The following RPA3 variants were observed in gnomAD, a reference collection of about 807,000 sequenced individuals.
RPA3 encodes replication protein A 14 kDa subunit.
Under a neutral mutation model 13.7 loss-of-function variants are expected in RPA3, and 24 were observed. The observed-to-expected ratio is 1.75, with a 90% CI of 1.27 to 2.46. The LOEUF (loss-of-function observed/expected upper bound fraction) is 2.46, where lower values mean the gene tolerates loss of function less well. RPA3 is among the 30% of genes most tolerant of loss of function. The pLI is 0.00. For missense variants in RPA3, 183 were observed against 151.0 expected (o/e 1.21, Z -1.11); for synonymous variants, 59 against 51.2 (o/e 1.15, Z -0.65).
chr7:7,683,986 G>C (rs1217551759), intron 4 of RPA3, among the ~76,000 whole-genome samples: 1 of 152,120 alleles, frequency 6.6e-6, no homozygotes, highest in Non-Finnish European at 1.5e-5. Flanking sequence ...TTGGTTCCAA[G>C]ACCCCCGCTC....
chr7:7,641,493 T>G (rs1784973354), intron 4 of RPA3: 1 of 152,216 alleles, frequency 6.6e-6, no homozygotes. Flanking sequence ...GCCATATGTT[T>G]GACTCAACAG....
At chr7:7,661,743 G>A (rs1377482188) in intron 4 of RPA3, among the ~76,000 whole-genome samples, 1 of 152,174 alleles carries the variant, frequency 6.6e-6, no homozygotes, top group Admixed American at 6.5e-5. Flanking sequence ...GTGTCTGTCG[G>A]CCCCTGCTGG....
chr7:7,714,809 G>GTAATTTTTTTATTTCCTCATGAACTGGT (rs1780853077), intron 2 of RPA3, among the ~76,000 whole-genome samples: 1 of 149,290 alleles, frequency 6.7e-6, no homozygotes, highest in African/African-American at 2.5e-5. Flanking sequence ...CTTGTGTAGA[G>GTAATTTTTTTATTTCCTCATGAACTGGT]TAATTTTTTT....
chr7:7,704,846 C>A, intron 2 of RPA3, among the ~76,000 whole-genome samples: 1 of 136,242 alleles, frequency 7.3e-6, no homozygotes. Flanking sequence ...TCTTTAATCA[C>A]AAAAGGGTCA....
At chr7:7,713,398 G>GTT (rs796648586) in intron 2 of RPA3, among the ~76,000 whole-genome samples, 7 of 141,046 alleles carry the variant, frequency 5.0e-5, no homozygotes, top group African/African-American at 1.0e-4. Flanking sequence ...TATAGACAGA[G>GTT]TTTTTTTTTT....
intron 5 of RPA3, 99 bp downstream of exon 5, chr7:7,640,221 T>A (rs1054206917): frequency 6.3e-6 from 8 of 1,268,950 alleles, no homozygotes; most frequent in African/African-American, 2.9e-5. Flanking sequence ...GGGGGCGCAG[T>A]GATCGGAGGC....
At chr7:7,637,759 C>G in intron 7 of RPA3, 105 bp downstream of exon 7, 1 of 519,248 alleles carries the variant, frequency 1.9e-6, no homozygotes, top group Non-Finnish European at 3.5e-6. Context: ...TATGTAATTA[C>G]ATACAGTTAT....
chr7:7,639,015 T>C, intron 6 of RPA3, 55 bp downstream of exon 6: 1 of 1,349,844 alleles, frequency 7.4e-7, no homozygotes, highest in East Asian at 2.5e-5. Flanking sequence ...ACAAACCAAA[T>C]CAAGATGAAG....
chr7:7,693,863 G>A (rs972525059), intron 2 of RPA3, among the ~76,000 whole-genome samples: 9 of 151,950 alleles, frequency 5.9e-5, no homozygotes, highest in African/African-American at 2.2e-4. Flanking sequence ...TTCCTCTGTG[G>A]TGGGTTTTTA....
chr7:7,709,518 A>G (rs1367515855), intron 2 of RPA3, among the ~76,000 whole-genome samples: 1 of 152,180 alleles, frequency 6.6e-6, no homozygotes, highest in African/African-American at 2.4e-5. Context: ...TGACTGGGGG[A>G]CTTGAAGTTG....
chr7:7,686,078 G>A (rs1467236814), intron 3 of RPA3, 80 bp from the exon 4 acceptor site: 3 of 152,210 alleles, frequency 2.0e-5, no homozygotes, highest in African/African-American at 7.2e-5. Context: ...AGCTACTTGG[G>A]AAGAGTTGAC....
At chr7:7,664,356 C>G (rs1203546112) in intron 4 of RPA3, among the ~76,000 whole-genome samples, 1 of 152,174 alleles carries the variant, frequency 6.6e-6, no homozygotes, top group East Asian at 1.9e-4. Flanking sequence ...GTCTCTCTAG[C>G]ATGCTATTTT....
chr7:7,661,086 T>G (rs996543505), intron 4 of RPA3, among the ~76,000 whole-genome samples: 2 of 152,188 alleles, frequency 1.3e-5, no homozygotes, highest in South Asian at 4.1e-4. Flanking sequence ...CTGATATCCT[T>G]TCTTCCACTT....
At chr7:7,704,029 A>G (rs1321771173) in intron 2 of RPA3, among the ~76,000 whole-genome samples, 1 of 152,178 alleles carries the variant, frequency 6.6e-6, no homozygotes, top group Admixed American at 6.6e-5. Flanking sequence ...TTAGAGCAAC[A>G]GTTCTCAAGG....
Position 7,637,054 on chromosome 7 carries a change from T to A in RPA3, c.312A>T (p.Lys104Asn), listed in dbSNP as rs2115536861. ...AAAACTGAGGGAAGTCATGGATAATTTTCACAGCTTCATTGTAAAGTCCAA... is the reference window on the plus strand; with the variant it reads ...AAAACTGAGGGAAGTCATGGATAATATTCACAGCTTCATTGTAAAGTCCAA... ...FDLGLYNEAV[K>N]IIHDFPQFYP... is the part of the protein sequence containing the mutation. Residue 104 changes from lysine (K) to asparagine (N), a missense_variant, in exon 8 of 8, where the codon AAA becomes AAT. By Grantham distance (94) the Lys-to-Asn change is moderately conservative. Coordinates refer to ENST00000223129, the MANE Select transcript of RPA3 (RefSeq NM_002947.5). 6.2e-7 allele frequency: 1 copy of A among 1,612,520 alleles called. No individual in the cohort carries two copies. The highest frequency in any genetic ancestry group is 2.2e-5 in the East Asian group (1 of 44,748).
chr7:7,668,214 T>C (rs967200600), intron 4 of RPA3, among the ~76,000 whole-genome samples: 3 of 152,142 alleles, frequency 2.0e-5, no homozygotes, highest in Non-Finnish European at 4.4e-5. Flanking sequence ...TGCCTGGTCC[T>C]ACTTTACTTC....
rs184096890 is a variant in RPA3, at chr7:7,666,695, T to C, written c.-758+19135A>G. On this transcript the variant is annotated intron_variant, in intron 4 of 7. Coordinates refer to ENST00000223129, the MANE Select transcript of RPA3 (RefSeq NM_002947.5). ...GCCCGGTTTTTATTGAGCTGTTTTT[T>C]CATTATTGAGTTTTAAGAGTTCTTT... is the stretch of plus-strand genomic sequence containing the variant. 3.7e-3 allele frequency among the ~76,000 whole-genome samples: 561 copies of C among 152,318 alleles called. 2 individuals are homozygous for C. Among genetic ancestry groups the C allele is most frequent in the South Asian group, 7.0e-3 (34 of 4,828 alleles).
At chr7:7,703,706 G>A (rs1780524211) in intron 2 of RPA3, among the ~76,000 whole-genome samples, 2 of 152,278 alleles carry the variant, frequency 1.3e-5, no homozygotes, top group East Asian at 1.9e-4. Flanking sequence ...TTGGGAAGCC[G>A]AGACTGGCAG....
Position 7,685,814 on chromosome 7 carries a change from A to G in RPA3, c.-758+16T>C, listed in dbSNP as rs1780030421. The G allele has an allele frequency of 6.6e-6, 1 of 152,276 alleles. No individual in the cohort carries two copies. The highest frequency in any genetic ancestry group is 2.4e-5 in the African/African-American group (1 of 41,472). 9.4% of individuals were successfully genotyped at this position (152,276 alleles called of 1,614,324 possible). A position where few individuals can be genotyped will look rare whatever the true frequency, so the allele number is the denominator to read the frequency against. On this transcript the variant is annotated intron_variant, in intron 4 of 7. Coordinates refer to ENST00000223129, the MANE Select transcript of RPA3 (RefSeq NM_002947.5). Reference sequence around the variant, plus strand: ...TTTTCTTCCTTCATTATATCATGATAGAATTATGGTCTTACCTTGGAAGAA... The same window carrying G: ...TTTTCTTCCTTCATTATATCATGATGGAATTATGGTCTTACCTTGGAAGAA...
Sources: gnomAD v4.1 joint callset for allele counts (sites outside exome capture counted in the v4.1 genomes callset) on GRCh38, gnomAD v4.1.1 for gene constraint, MANE v1.5 for transcripts, NCBI Gene and HGNC (gene_info 2026-07-23, HGNC 2026-07-21) for gene names.